Variants in GALNT18 observed in about 807,000 individuals in gnomAD.
The protein encoded by GALNT18 is polypeptide N-acetylgalactosaminyltransferase 18.
Under a neutral mutation model 69.5 loss-of-function variants are expected in GALNT18, and 44 were observed. The observed-to-expected ratio is 0.63, with a 90% confidence interval of 0.50 to 0.81. GALNT18 has a LOEUF of 0.81. GALNT18 is among the 40% of genes least tolerant of loss of function. The pLI, the probability that GALNT18 is intolerant of heterozygous loss-of-function variation, is 0.00. For synonymous variants in GALNT18, 364 were observed against 318.2 expected (o/e 1.14, Z -1.53); for missense variants, 715 against 810.0 (o/e 0.88, Z 1.42).
intron 6 of GALNT18, among the ~76,000 whole-genome samples, chr11:11,366,400 T>C (rs907762378): frequency 5.3e-5 from 8 of 152,224 alleles, no homozygotes; most frequent in Non-Finnish European, 1.2e-4. Context: ...CATCTACATG[T>C]ATAATAGATA....
chr11:11,297,490 TCACCTCCCTTGCC>T (rs1365298678), intron 9 of GALNT18, among the ~76,000 whole-genome samples: 2 of 152,116 alleles, frequency 1.3e-5, no homozygotes, highest in Non-Finnish European at 2.9e-5. Flanking sequence ...GTGCGACCAC[TCACCTCCCTTGCC>T]CACCTCCCTG....
chr11:11,373,352 A>G (rs1032085856), intron 5 of GALNT18, among the ~76,000 whole-genome samples: 13 of 152,214 alleles, frequency 8.5e-5, no homozygotes, highest in African/African-American at 3.1e-4. Flanking sequence ...TTGATGTAAA[A>G]TCAGCCCAAC....
At chr11:11,611,363 A>G (rs1488981082) in intron 1 of GALNT18, among the ~76,000 whole-genome samples, 1 of 152,210 alleles carries the variant, frequency 6.6e-6, no homozygotes, top group East Asian at 1.9e-4. Context: ...AACAAAAAAG[A>G]GAGGAGGCAG....
At chr11:11,575,130 T>A (rs562705676) in intron 1 of GALNT18, among the ~76,000 whole-genome samples, 2 of 152,268 alleles carry the variant, frequency 1.3e-5, no homozygotes, top group African/African-American at 4.8e-5. Flanking sequence ...TGAACACAAC[T>A]AATTCCTGGC....
In GALNT18 at chr11:11,494,782, G is replaced by A. The variant is rs1052385268; in HGVS notation, c.236-45846C>T. Among the ~76,000 whole-genome samples the A allele has an allele frequency of 3.3e-5, 5 of 152,136 alleles. No homozygotes were observed. The highest frequency in any genetic ancestry group is 6.5e-5 in the Admixed American group (1 of 15,270). On this transcript the variant is annotated intron_variant, in intron 1 of 10. Transcript: ENST00000227756. This position sits in a 1 kb window ranked among gnomAD's most constrained non-coding sequence, Gnocchi z 5.7. ...ATCAGAGAGATGAATCCGGCCCATC[G>A]TGCTATTATTCAAAGCTGGTGTAAG...
chr11:11,436,651 C>T lies in GALNT18; in HGVS notation c.429-3864G>A, dbSNP rs1855409880. On this transcript the variant is annotated intron_variant, in intron 2 of 10. Transcript: ENST00000227756. The surrounding 1 kb of genome is among the most constrained non-coding windows in gnomAD (Gnocchi z 4.5). ...CCACATCATGACACGGTCTGTAGTT[C>T]GTATCTTCACCTCAACACTGAAGCA... is the stretch of plus-strand genomic sequence containing the variant. 6.6e-6 allele frequency among the ~76,000 whole-genome samples: 1 copy of T among 152,160 alleles called. No individual in the cohort carries two copies.
At position 11,603,897 on chromosome 11, in the gene GALNT18, T is replaced by C. The variant is rs1468613010; in HGVS notation, c.235+17462A>G. ...TCTGTATCCCTTCCCCAAATCCATA[T>C]GTTGAAATCCTAACCCCTAAGTTGA... On this transcript the variant is annotated intron_variant, in intron 1 of 10. Coordinates refer to ENST00000227756, the MANE Select transcript of GALNT18 (RefSeq NM_198516.3). This position sits in a 1 kb window ranked among gnomAD's most constrained non-coding sequence, Gnocchi z 4.5. Among the ~76,000 whole-genome samples the C allele has an allele frequency of 6.6e-6, 1 of 152,236 alleles. No individual in the cohort carries two copies. The highest frequency in any genetic ancestry group is 1.5e-5 in the Non-Finnish European group (1 of 68,040).
chr11:11,561,173 G>A (rs972579468), intron 1 of GALNT18, among the ~76,000 whole-genome samples: 13 of 152,178 alleles, frequency 8.5e-5, no homozygotes, highest in Admixed American at 2.0e-4. Flanking sequence ...CAGAAACTGC[G>A]AGGCGCCTTT....
intron 9 of GALNT18, among the ~76,000 whole-genome samples, chr11:11,306,589 T>C (rs1849582622): frequency 6.6e-6 from 1 of 152,184 alleles, no homozygotes; most frequent in Admixed American, 6.5e-5. Flanking sequence ...GCCAGATGGA[T>C]TGCACTATGA....
Position 11,563,237 on chromosome 11 carries a change from C to T in GALNT18, c.235+58122G>A, listed in dbSNP as rs903030734. 6.6e-5 allele frequency among the ~76,000 whole-genome samples: 10 copies of T among 152,174 alleles called. No homozygotes were observed. The highest frequency in any genetic ancestry group is 1.9e-4 in the African/African-American group (8 of 41,428). On this transcript the variant is annotated intron_variant, in intron 1 of 10. Coordinates refer to ENST00000227756, the MANE Select transcript of GALNT18 (RefSeq NM_198516.3). The surrounding 1 kb of genome is among the most constrained non-coding windows in gnomAD (Gnocchi z 4.6). ...TGTGGCTGTTCACCTTGCACCTCCCCGGATCAAGAGACTTGGCTCTTCCTG... is the reference window on the plus strand; with the variant it reads ...TGTGGCTGTTCACCTTGCACCTCCCTGGATCAAGAGACTTGGCTCTTCCTG...
intron 3 of GALNT18, among the ~76,000 whole-genome samples, chr11:11,379,663 G>A (rs535241019): frequency 2.6e-5 from 4 of 152,248 alleles, no homozygotes; most frequent in South Asian, 4.2e-4. Context: ...TCATCAGCAC[G>A]GCTACCTCCT....
At position 11,557,702 on chromosome 11, in the gene GALNT18, T is replaced by C. The variant is rs539636714; in HGVS notation, c.235+63657A>G. Among the ~76,000 whole-genome samples the C allele has an allele frequency of 1.2e-3, 178 of 152,304 alleles. 1 individual carries two copies. Among genetic ancestry groups the C allele is most frequent in the African/African-American group, 3.7e-3 (155 of 41,572 alleles). ...GCATCCCTACTATATGGAAGGGGAA[T>C]TGGGGACCCAGAGAAGCAAAGCAAT... On this transcript the variant is annotated intron_variant, in intron 1 of 10. Coordinates refer to ENST00000227756, the MANE Select transcript of GALNT18 (RefSeq NM_198516.3).
chr11:11,560,122 G>T (rs1858448845), intron 1 of GALNT18, among the ~76,000 whole-genome samples: 1 of 151,330 alleles, frequency 6.6e-6, no homozygotes, highest in Admixed American at 6.6e-5. Flanking sequence ...GATACAATGG[G>T]ATGGGATGGG....
rs535966247 is a variant in GALNT18 at position 11,422,514 on chromosome 11, T to C, written c.595+10107A>G. Among the ~76,000 whole-genome samples the C allele has an allele frequency of 2.6e-5, 4 of 152,226 alleles. No individual in the cohort carries two copies. In the East Asian group the frequency reaches 7.7e-4, roughly 29 times the overall value. ...CCATGTGCTTGGCTGTGTAAACACC[T>C]TTAAGCTGCCTGAGTCTTGGTTGTA... On this transcript the variant is annotated intron_variant, in intron 3 of 10. Coordinates refer to ENST00000227756, the MANE Select transcript of GALNT18 (RefSeq NM_198516.3).
chr11:11,509,814 G>A (rs140833431), intron 1 of GALNT18, among the ~76,000 whole-genome samples: 3 of 152,354 alleles, frequency 2.0e-5, no homozygotes, highest in African/African-American at 7.2e-5. Context: ...TAACACATGC[G>A]CTACTCCATC....
intron 1 of GALNT18, among the ~76,000 whole-genome samples, chr11:11,458,303 T>C (rs982897541): frequency 6.6e-6 from 1 of 152,234 alleles, no homozygotes; most frequent in African/African-American, 2.4e-5. Flanking sequence ...AAGAAGGTTT[T>C]CCTTTTCTTC....
At chr11:11,471,942 G>T (rs886790490) in intron 1 of GALNT18, among the ~76,000 whole-genome samples, 1 of 152,236 alleles carries the variant, frequency 6.6e-6, no homozygotes, top group African/African-American at 2.4e-5. Flanking sequence ...GCCTGGCGAA[G>T]AGCTGGTCAG....
intron 10 of GALNT18, among the ~76,000 whole-genome samples, chr11:11,289,735 G>GA (rs1849264257): frequency 1.3e-5 from 2 of 152,276 alleles, no homozygotes; most frequent in Admixed American, 1.3e-4. Context: ...GTGAGGGCTG[G>GA]AAAGAGGGTA....
intron 9 of GALNT18, among the ~76,000 whole-genome samples, chr11:11,312,616 G>T (rs1180745123): frequency 6.6e-6 from 1 of 152,116 alleles, no homozygotes; most frequent in Admixed American, 6.5e-5. Flanking sequence ...TTGTTCAAGG[G>T]TCAATTGTAT....
Sources: gnomAD v4.1 joint callset for allele counts (sites outside exome capture counted in the v4.1 genomes callset) on GRCh38, gnomAD v4.1.1 for gene constraint, Gnocchi (gnomAD v3.1) non-coding constraint, MANE v1.5 for transcripts, NCBI Gene and HGNC (gene_info 2026-07-23, HGNC 2026-07-21) for gene names.